Variants in CPQ observed in about 807,000 individuals in gnomAD.
CPQ encodes carboxypeptidase Q.
A neutral mutation model predicts 45.7 loss-of-function variants in CPQ; 37 were observed. The observed-to-expected ratio is 0.81, with a 90% confidence interval of 0.62 to 1.07. CPQ has a LOEUF of 1.07. Among genes scored for constraint, CPQ ranks in the 50% least tolerant of loss-of-function variants. The pLI is 0.00. For missense variants in CPQ, 537 were observed against 572.9 expected (o/e 0.94, Z 0.64); for synonymous variants, 186 against 205.8 (o/e 0.90, Z 0.82).
intron 4 of CPQ, among the ~76,000 whole-genome samples, chr8:96,947,507 C>G (rs1052971267): frequency 2.0e-5 from 3 of 152,024 alleles, no homozygotes; most frequent in Non-Finnish European, 4.4e-5. Flanking sequence ...ATGTTTCCAG[C>G]TTTGTTGTTT....
At chr8:96,747,855 G>A (rs1420962274) in intron 1 of CPQ, among the ~76,000 whole-genome samples, 1 of 152,158 alleles carries the variant, frequency 6.6e-6, no homozygotes, top group African/African-American at 2.4e-5. Flanking sequence ...TCTGCCTTTT[G>A]ACAAGCTGAC....
At chr8:96,980,140 A>G (rs895031740) in intron 5 of CPQ, among the ~76,000 whole-genome samples, 5 of 152,072 alleles carry the variant, frequency 3.3e-5, no homozygotes, top group African/African-American at 1.2e-4. Context: ...CTATCATTAT[A>G]TATAGATTTT....
chr8:97,074,869 GAC>G (rs1261098959), intron 7 of CPQ, among the ~76,000 whole-genome samples: 1 of 152,090 alleles, frequency 6.6e-6, no homozygotes, highest in African/African-American at 2.4e-5. Flanking sequence ...AAAGGAAAGT[GAC>G]ACCACTTTCC....
intron 1 of CPQ, among the ~76,000 whole-genome samples, chr8:96,742,161 G>T: frequency 6.6e-6 from 1 of 150,816 alleles, no homozygotes; most frequent in Non-Finnish European, 1.5e-5. Flanking sequence ...GGGTGCTCCT[G>T]TATTGGGTGC....
intron 4 of CPQ, among the ~76,000 whole-genome samples, chr8:96,938,589 T>C (rs1021743458): frequency 6.6e-6 from 1 of 152,136 alleles, no homozygotes; most frequent in African/African-American, 2.4e-5. Context: ...GAAAGGACCC[T>C]CTAATGGGCA....
At chr8:96,800,742 T>C (rs987585912) in intron 2 of CPQ, among the ~76,000 whole-genome samples, 5 of 152,310 alleles carry the variant, frequency 3.3e-5, no homozygotes, top group African/African-American at 1.2e-4. Context: ...TATGTATACA[T>C]ACAATTTTAC....
intron 5 of CPQ, among the ~76,000 whole-genome samples, chr8:96,966,825 A>T (rs1177360284): frequency 6.6e-6 from 1 of 152,230 alleles, no homozygotes; most frequent in Non-Finnish European, 1.5e-5. Context: ...GACAGAAAAT[A>T]TTTTGACCAC....
chr8:96,880,220 T>A lies in CPQ; in HGVS notation c.849+215T>A, dbSNP rs547116623. Among the ~76,000 whole-genome samples, 69 of 152,136 alleles carry A rather than the reference T, an allele frequency of 4.5e-4. 1 individual carries two copies. The East Asian group carries it at 0.012, about 27-fold the overall frequency. ...TGGGTATTACTAAAAAGTCAAAGAA[T>A]AATAGATGTTGGTGAGGTTGTGGAG... is the stretch of plus-strand genomic sequence containing the variant. On this transcript the variant is annotated intron_variant, in intron 4 of 7. Coordinates refer to ENST00000220763, the MANE Select transcript of CPQ (RefSeq NM_016134.4).
chr8:96,667,714 A>G (rs1293538631), intron 1 of CPQ, among the ~76,000 whole-genome samples: 1 of 152,002 alleles, frequency 6.6e-6, no homozygotes, highest in African/African-American at 2.4e-5. Flanking sequence ...CTATCTTTAT[A>G]TCTTTCTATA....
intron 1 of CPQ, among the ~76,000 whole-genome samples, chr8:96,708,738 C>G (rs1261432894): frequency 6.6e-6 from 1 of 152,092 alleles, no homozygotes; most frequent in East Asian, 1.9e-4. Context: ...CTAGCCTTTA[C>G]AATCACCACA....
intron 7 of CPQ, among the ~76,000 whole-genome samples, chr8:97,089,747 G>A (rs1394408340): frequency 6.6e-6 from 1 of 152,102 alleles, no homozygotes. Flanking sequence ...GGGGTAGGGA[G>A]TACTGATCCT....
chr8:97,104,898 C>T (rs1263972063), intron 7 of CPQ, among the ~76,000 whole-genome samples: 2 of 152,142 alleles, frequency 1.3e-5, no homozygotes, highest in African/African-American at 2.4e-5. Context: ...ATATTTCTGC[C>T]GATCCACATG....
At chr8:96,766,271 G>A (rs1810466405) in intron 1 of CPQ, among the ~76,000 whole-genome samples, 2 of 152,140 alleles carry the variant, frequency 1.3e-5, no homozygotes, top group Admixed American at 1.3e-4. Context: ...TCCATCAGGT[G>A]GGGAGTGTGA....
intron 2 of CPQ, among the ~76,000 whole-genome samples, chr8:96,787,711 G>A (rs56719950): frequency 2.0e-5 from 3 of 151,350 alleles, no homozygotes; most frequent in Non-Finnish European, 4.4e-5. Flanking sequence ...TTTGTGGGAA[G>A]ATTTTTAATT....
chr8:96,978,095 T>G (rs1813820228), intron 5 of CPQ, among the ~76,000 whole-genome samples: 1 of 152,226 alleles, frequency 6.6e-6, no homozygotes, highest in Non-Finnish European at 1.5e-5. Flanking sequence ...ATCTTCTCAT[T>G]TTTTATTCTG....
Position 96,694,199 on chromosome 8 carries a change from A to T in CPQ, c.-35+48797A>T, listed in dbSNP as rs538389435. On this transcript the variant is annotated intron_variant, in intron 1 of 7. Transcript: ENST00000220763. ...AAGGAAGACAGAAAGGAAAGAAGGG[A>T]GGAAGGAAGAGAAGACCACAAAACA... Among the ~76,000 whole-genome samples the T allele has an allele frequency of 2.5e-4, 38 of 152,312 alleles. No homozygotes were observed. The South Asian group carries it at 4.6e-3, about 18-fold the overall frequency.
chr8:96,874,595 A>G (rs1411378887), intron 3 of CPQ, among the ~76,000 whole-genome samples: 1 of 151,226 alleles, frequency 6.6e-6, no homozygotes, highest in East Asian at 1.9e-4. Flanking sequence ...CTTGCAATAT[A>G]TGGTCTTTTT....
rs368811218 is a variant in CPQ, at chr8:97,129,574, G to A, written c.1256-13446G>A. ...CATTAAACCATGTATCATTTACTCC[G>A]GAAACAAAAAGTAGGAATGCTATTT... On this transcript the variant is annotated intron_variant, in intron 7 of 7. Transcript: ENST00000220763. 7.2e-5 allele frequency among the ~76,000 whole-genome samples: 11 copies of A among 151,956 alleles called. 1 individual carries two copies. Among genetic ancestry groups the A allele is most frequent in the African/African-American group, 2.7e-4 (11 of 41,432 alleles).
chr8:96,658,630 T>A (rs1232480530), intron 1 of CPQ, among the ~76,000 whole-genome samples: 1 of 152,264 alleles, frequency 6.6e-6, no homozygotes, highest in African/African-American at 2.4e-5. Context: ...TGCTGGATTA[T>A]CCTGGTGGGC....
Sources: allele counts gnomAD v4.1 joint callset (sites outside exome capture counted in the v4.1 genomes callset), GRCh38; gene constraint gnomAD v4.1.1; transcripts MANE v1.5; gene names NCBI Gene and HGNC (gene_info 2026-07-23, HGNC 2026-07-21).